Variants in OR56A3 observed in about 807,000 individuals in gnomAD.
The protein encoded by OR56A3 is olfactory receptor 56A3.
Under a neutral mutation model 17.5 loss-of-function variants are expected in OR56A3, and 23 were observed. The observed-to-expected ratio is 1.32, with a 90% CI of 0.95 to 1.87. OR56A3 has a LOEUF of 1.87. Among genes scored for constraint, OR56A3 ranks in the 40% most tolerant of loss-of-function variants. OR56A3 has a pLI of 0.00. For missense variants in OR56A3, 366 were observed against 380.1 expected (o/e 0.96, Z 0.31); for synonymous variants, 175 against 150.6 (o/e 1.16, Z -1.19).
At chr11:6,002,247 A>T in the OR56A3 span, 3 of 1,614,024 alleles carry the variant, frequency 1.9e-6, no homozygotes, top group African/African-American at 2.7e-5. Flanking sequence ...GAGGATGAGG[A>T]TGAAGTGGGA....
chr11:5,993,003 C>T, the OR56A3 span, among the ~76,000 whole-genome samples: 49 of 152,170 alleles, frequency 3.2e-4, no homozygotes, highest in Non-Finnish European at 6.3e-4. Context: ...TACATAGGAC[C>T]TTCCCAGTCT....
chr11:5,975,201 G>A, the OR56A3 span, among the ~76,000 whole-genome samples: 1 of 152,334 alleles, frequency 6.6e-6, no homozygotes, highest in African/African-American at 2.4e-5. Flanking sequence ...GCCTCTTAAG[G>A]CCAGGGCTTG....
downstream of OR56A3, among the ~76,000 whole-genome samples, chr11:5,954,800 T>C (rs997719692): frequency 6.6e-6 from 1 of 152,202 alleles, no homozygotes; most frequent in African/African-American, 2.4e-5. Flanking sequence ...CTAAAGGAAC[T>C]TTCCTGATCC....
chr11:6,020,474 T>C, the OR56A3 span: 1 of 152,158 alleles, frequency 6.6e-6, no homozygotes, highest in Non-Finnish European at 1.5e-5. Context: ...TTGTATCTCC[T>C]CTGATTTCTT....
the OR56A3 span, among the ~76,000 whole-genome samples, chr11:5,981,199 A>C: frequency 6.6e-6 from 1 of 152,270 alleles, no homozygotes; most frequent in South Asian, 2.1e-4. Context: ...CTGAATTTGA[A>C]TGTCAAACTC....
chr11:5,994,810 C>T, the OR56A3 span: 2 of 754,694 alleles, frequency 2.7e-6, no homozygotes, highest in South Asian at 1.3e-5. Context: ...GTCCCTTCCT[C>T]TCCAGGTGCT....
the OR56A3 span, among the ~76,000 whole-genome samples, chr11:5,974,433 C>T: frequency 1.3e-5 from 2 of 152,118 alleles, no homozygotes; most frequent in South Asian, 2.1e-4. Context: ...CAGTGAAATC[C>T]TTTTCCTGTA....
chr11:5,996,888 GA>G, the OR56A3 span, among the ~76,000 whole-genome samples: 1 of 152,204 alleles, frequency 6.6e-6, no homozygotes, highest in African/African-American at 2.4e-5. Context: ...TTGAGCAATG[GA>G]AAAGGTTTTC....
At chr11:6,017,955 T>C in the OR56A3 span, among the ~76,000 whole-genome samples, 1 of 151,984 alleles carries the variant, frequency 6.6e-6, no homozygotes, top group African/African-American at 2.4e-5. Flanking sequence ...ATAAATATTA[T>C]AGTAAAAAGA....
the OR56A3 span, among the ~76,000 whole-genome samples, chr11:5,987,888 TG>T: frequency 1.3e-5 from 2 of 152,172 alleles, no homozygotes; most frequent in Non-Finnish European, 2.9e-5. Flanking sequence ...CCTGAAGTCA[TG>T]GGTTTTTTTT....
the OR56A3 span, among the ~76,000 whole-genome samples, chr11:6,010,586 C>G: frequency 6.6e-6 from 1 of 152,128 alleles, no homozygotes; most frequent in Non-Finnish European, 1.5e-5. Context: ...ATTGAAATTG[C>G]CAGTATCTTG....
chr11:6,004,272 C>T, the OR56A3 span, among the ~76,000 whole-genome samples: 14 of 151,964 alleles, frequency 9.2e-5, no homozygotes, highest in Admixed American at 2.0e-4. Flanking sequence ...TTGCTTGAAC[C>T]AGACCTGGGG....
chr11:5,960,476 G>A, the OR56A3 span, among the ~76,000 whole-genome samples: 1 of 152,252 alleles, frequency 6.6e-6, no homozygotes, highest in Non-Finnish European at 1.5e-5. Flanking sequence ...GGCCGGGCTG[G>A]TCTCCAGCTC....
chr11:6,015,838 G>C, the OR56A3 span, among the ~76,000 whole-genome samples: 1 of 152,184 alleles, frequency 6.6e-6, no homozygotes, highest in Non-Finnish European at 1.5e-5. Context: ...GAAGGGACTA[G>C]GCTCGTCTTA....
At chr11:5,961,114 C>T in the OR56A3 span, among the ~76,000 whole-genome samples, 3 of 151,010 alleles carry the variant, frequency 2.0e-5, no homozygotes, top group Non-Finnish European at 4.4e-5. Context: ...GCCCGGCCAG[C>T]CGCCCCGTCC....
chr11:6,011,039 A>G, the OR56A3 span, among the ~76,000 whole-genome samples: 2 of 152,112 alleles, frequency 1.3e-5, no homozygotes, highest in African/African-American at 4.8e-5. Flanking sequence ...AAAAGAGTCA[A>G]AAAGTTAAAA....
the OR56A3 span, among the ~76,000 whole-genome samples, chr11:6,014,238 A>G: frequency 2.6e-5 from 4 of 152,184 alleles, no homozygotes; most frequent in Non-Finnish European, 4.4e-5. Context: ...TAATGACACT[A>G]TGATATAGTT....
chr11:5,970,359 G>A, the OR56A3 span, among the ~76,000 whole-genome samples: 17 of 152,356 alleles, frequency 1.1e-4, no homozygotes, highest in African/African-American at 4.1e-4. Context: ...ATGCTCACAT[G>A]AAGAGTTTCA....
chr11:5,992,699 C>A, the OR56A3 span, among the ~76,000 whole-genome samples: 1 of 152,172 alleles, frequency 6.6e-6, no homozygotes, highest in Non-Finnish European at 1.5e-5. Context: ...CCAGCAAGTT[C>A]CCAATGAGAT....
Sources: gnomAD v4.1 joint callset for allele counts (sites outside exome capture counted in the v4.1 genomes callset) on GRCh38, gnomAD v4.1.1 for gene constraint, MANE v1.5 for transcripts, NCBI Gene and HGNC (gene_info 2026-07-23, HGNC 2026-07-21) for gene names.